Variants in CACNG8 observed in about 807,000 individuals in gnomAD.
The protein encoded by CACNG8 is calcium voltage-gated channel auxiliary subunit gamma 8.
Under a neutral mutation model 26.9 loss-of-function variants are expected in CACNG8, and 5 were observed. The observed-to-expected ratio is 0.19, with a 90% CI of 0.10 to 0.39. CACNG8 has a LOEUF of 0.39. Among genes scored for constraint, CACNG8 ranks in the 10% least tolerant of loss-of-function variants. The probability of loss-of-function intolerance (pLI) is 1.00; values close to 1 mark genes in which losing one functional copy is unlikely to be tolerated. For synonymous variants in CACNG8, 321 were observed against 296.7 expected (o/e 1.08, Z -0.84); for missense variants, 473 against 609.4 (o/e 0.78, Z 2.36).
intron 3 of CACNG8, 74 bp downstream of exon 3, chr19:53,980,081 T>TGC (rs879171630): frequency 0.11 from 134,676 of 1,249,316 alleles, 2,833 homozygotes; most frequent in Non-Finnish European, 0.12. Context: ...TGTGTGTGTG[T>TGC]GTGTGCGCGC....
At chr19:53,963,553 T>G in intron 1 of CACNG8, 128 bp downstream of exon 1, 1 of 927,748 alleles carries the variant, frequency 1.1e-6, no homozygotes, top group East Asian at 3.1e-5. Context: ...CAGAGGGGCT[T>G]CTGCGCCTTC....
rs1381754632 is a variant in CACNG8, at chr19:53,982,867, C to T, written c.*18C>T. The T allele has an allele frequency of 3.1e-6, 4 of 1,269,976 alleles. No homozygotes were observed. The East Asian group carries it at 1.1e-4, about 35-fold the overall frequency. 78.7% of individuals were successfully genotyped at this position (1,269,976 alleles called of 1,614,324 possible). A position where few individuals can be genotyped will look rare whatever the true frequency, so the allele number is the denominator to read the frequency against. ...CTGTGTAGGGGCGCGGCGGGGGAGC[C>T]GAGGGGCGTGTCCGGGGCGCGTGCG... is the stretch of plus-strand genomic sequence containing the variant. On this transcript the variant is annotated 3_prime_UTR_variant, in exon 4 of 4. Coordinates refer to ENST00000270458, the MANE Select transcript of CACNG8 (RefSeq NM_031895.6). This position sits in a 1 kb window ranked among gnomAD's most constrained non-coding sequence, Gnocchi z 8.4.
Position 53,982,370 on chromosome 19 carries a change from C to G in CACNG8, c.799C>G (p.Arg267Gly). Reference sequence around the variant, plus strand: ...GGCCATCCTCCGTCTGCCCAGTTACCGCTTCCGCTACCGCCGCCGCTCCCG... The same window carrying G: ...GGCCATCCTCCGTCTGCCCAGTTACGGCTTCCGCTACCGCCGCCGCTCCCG... Residue 267 changes from arginine (R) to glycine (G), a missense_variant, in exon 4 of 4, where the codon CGC becomes GGC. This residue lies in a region of CACNG8 where 155 missense variants were observed against 253.0 expected (regional missense o/e 0.61). Coordinates refer to ENST00000270458, the MANE Select transcript of CACNG8 (RefSeq NM_031895.6). This position sits in a 1 kb window ranked among gnomAD's most constrained non-coding sequence, Gnocchi z 8.4. 16 of 1,534,218 alleles carry G rather than the reference C, an allele frequency of 1.0e-5. No homozygotes were observed. Among genetic ancestry groups the G allele is most frequent in the Non-Finnish European group, 1.4e-5 (16 of 1,145,688 alleles).
chr19:53,963,636 C>T (rs2069255783), intron 1 of CACNG8, among the ~76,000 whole-genome samples: 2 of 152,026 alleles, frequency 1.3e-5, no homozygotes, highest in African/African-American at 4.8e-5. Context: ...CGGAATTCCT[C>T]GGCATGCTCC....
intron 1 of CACNG8, among the ~76,000 whole-genome samples, chr19:53,973,159 G>A (rs61357476): frequency 0.073 from 11,124 of 152,172 alleles, 469 homozygotes; most frequent in African/African-American, 0.11. Flanking sequence ...TGTGCCATGT[G>A]GTTTACATGC....
rs56223082 is a variant in CACNG8 at position 53,980,057 on chromosome 19, C to CGTGTGTGTGT, written c.508+70_508+79dup. 9.1e-6 allele frequency: 10 copies of CGTGTGTGTGT among 1,104,300 alleles called. No homozygotes were observed. In the Admixed American group the frequency reaches 9.2e-5, roughly 10 times the overall value. 68.4% of individuals were successfully genotyped at this position (1,104,300 alleles called of 1,614,324 possible). On this transcript the variant is annotated intron_variant, in intron 3 of 3. Transcript: ENST00000270458. ...CCGGGGCGGCCCACCTGGGCGCGCA[C>CGTGTGTGTGT]GTGTGTGTGTGTGTGTGTGTGTGTG...
Position 53,980,297 on chromosome 19 carries a change from C to G in CACNG8, c.508+290C>G, listed in dbSNP as rs560619972. Among the ~76,000 whole-genome samples, 5 of 152,050 alleles carry G rather than the reference C, an allele frequency of 3.3e-5. No homozygotes were observed. In the East Asian group the frequency reaches 7.8e-4, roughly 24 times the overall value. ...GTAAGACGCCGGGCGCTTAGGATCC[C>G]AAGCCCGCCGTCCTGGAGACGGAAG... On this transcript the variant is annotated intron_variant, in intron 3 of 3. Transcript: ENST00000270458.
At chr19:53,963,572 G>A in intron 1 of CACNG8, 147 bp downstream of exon 1, 1 of 759,588 alleles carries the variant, frequency 1.3e-6, no homozygotes, top group Non-Finnish European at 2.0e-6. Flanking sequence ...TCCCACTCGC[G>A]CCCCTGACCT....
In CACNG8 at chr19:53,968,492, G is replaced by A. The variant is rs541496953; in HGVS notation, c.283+5067G>A. On this transcript the variant is annotated intron_variant, in intron 1 of 3. Transcript: ENST00000270458. ...CTATTAAAATGTGAGGGAGATGGCC[G>A]GGCGCGGTGGCTCACGCCTGTAATT... Among the ~76,000 whole-genome samples the A allele has an allele frequency of 1.6e-4, 25 of 152,096 alleles. No individual in the cohort carries two copies. In the East Asian group the frequency reaches 1.9e-3, roughly 12 times the overall value.
intron 1 of CACNG8, among the ~76,000 whole-genome samples, chr19:53,969,650 G>T (rs1056980362): frequency 1.1e-4 from 17 of 152,116 alleles, no homozygotes; most frequent in African/African-American, 3.9e-4. Flanking sequence ...GGCTCCAGGG[G>T]TGTAGAAACG....
At chr19:53,978,067 A>C (rs928913855) in intron 1 of CACNG8, 79 bp from the exon 2 acceptor site, 1 of 939,546 alleles carries the variant, frequency 1.1e-6, no homozygotes. Context: ...GGGGAAGGGA[A>C]GGGTCGGTTG....
At chr19:53,965,918 T>C (rs913201067) in intron 1 of CACNG8, among the ~76,000 whole-genome samples, 3 of 151,956 alleles carry the variant, frequency 2.0e-5, no homozygotes, top group Admixed American at 2.0e-4. Context: ...ACTGTAGGAA[T>C]AGCAGGCGCA....
At chr19:53,968,842 G>A (rs118082750) in intron 1 of CACNG8, among the ~76,000 whole-genome samples, 1,522 of 151,332 alleles carry the variant, frequency 0.01, 12 homozygotes, top group Non-Finnish European at 0.016. Flanking sequence ...GTGGCCACAG[G>A]TTTGGGGAAA....
chr19:53,982,123 C>T lies in CACNG8; in HGVS notation c.552C>T (p.Asn184=), dbSNP rs367756450. 2 of 1,608,008 alleles carry T rather than the reference C, an allele frequency of 1.2e-6. No individual in the cohort carries two copies. Among genetic ancestry groups the T allele is most frequent in the African/African-American group, 1.3e-5 (1 of 74,894 alleles). ...GCGTGATCGTGTACATCTCCGCCAACGCGGGCGAGCCGGGCCCGAAGCGGG... is the reference window on the plus strand; with the variant it reads ...GCGTGATCGTGTACATCTCCGCCAATGCGGGCGAGCCGGGCCCGAAGCGGG... Residue 184 remains asparagine, a synonymous_variant, in exon 4 of 4, where the codon AAC becomes AAT. Transcript: ENST00000270458. This position sits in a 1 kb window ranked among gnomAD's most constrained non-coding sequence, Gnocchi z 8.4.
In CACNG8 at chr19:53,969,590, G is replaced by A. The variant is rs111751218; in HGVS notation, c.283+6165G>A. On this transcript the variant is annotated intron_variant, in intron 1 of 3. Coordinates refer to ENST00000270458, the MANE Select transcript of CACNG8 (RefSeq NM_031895.6). ...TCTGGATTTGAATCCAGGTGTGTCT[G>A]GTTTTCTAGGAGAATGAAGCAACAA... 3.8e-3 allele frequency among the ~76,000 whole-genome samples: 573 copies of A among 152,134 alleles called. 11 individuals carry two copies. Among genetic ancestry groups the A allele is most frequent in the African/African-American group, 0.013 (549 of 41,512 alleles).
At chr19:53,980,086 G>A (rs2069356228) in intron 3 of CACNG8, 79 bp downstream of exon 3, 85 of 1,271,978 alleles carry the variant, frequency 6.7e-5, no homozygotes, top group Non-Finnish European at 7.7e-5. Context: ...GTGTGTGTGT[G>A]CGCGCGCGCG....
intron 1 of CACNG8, among the ~76,000 whole-genome samples, chr19:53,966,522 C>A (rs2069273220): frequency 6.6e-6 from 1 of 152,188 alleles, no homozygotes; most frequent in Non-Finnish European, 1.5e-5. Flanking sequence ...AAGCCGTCCT[C>A]TTGCCTCAGC....
intron 1 of CACNG8, among the ~76,000 whole-genome samples, chr19:53,975,511 C>T (rs1253227654): frequency 6.6e-6 from 1 of 152,166 alleles, no homozygotes; most frequent in African/African-American, 2.4e-5. Context: ...TCCCAAGTAG[C>T]TGGGACTACA....
At chr19:53,979,207 G>A (rs1369092123) in intron 2 of CACNG8, among the ~76,000 whole-genome samples, 1 of 84,448 alleles carries the variant, frequency 1.2e-5, no homozygotes, top group African/African-American at 2.9e-5. Context: ...AAAGCGGGGT[G>A]GGGGGGGACC....
Sources: gnomAD v4.1 joint callset for allele counts (sites outside exome capture counted in the v4.1 genomes callset) on GRCh38, gnomAD v4.1.1 for gene constraint, gnomAD v4.1.1 regional missense constraint, Gnocchi (gnomAD v3.1) non-coding constraint, MANE v1.5 for transcripts, NCBI Gene and HGNC (gene_info 2026-07-23, HGNC 2026-07-21) for gene names.